DCTN6: variants seen among roughly 807,000 people sequenced by gnomAD.
DCTN6 encodes the protein dynactin 6.
Under a neutral mutation model 25.8 loss-of-function variants are expected in DCTN6, and 15 were observed. The observed-to-expected ratio is 0.58, with a 90% CI of 0.39 to 0.89. DCTN6 has a LOEUF of 0.89. Among genes scored for constraint, DCTN6 ranks in the 40% least tolerant of loss-of-function variants. The pLI, the probability that DCTN6 is intolerant of heterozygous loss-of-function variation, is 0.00. For missense variants in DCTN6, 198 were observed against 237.6 expected, an observed-to-expected ratio of 0.83 and a Z score of 1.09; for synonymous variants, 64 against 78.3, an observed-to-expected ratio of 0.82 and a Z score of 0.96.
intron 2 of DCTN6, among the ~76,000 whole-genome samples, chr8:30,164,476 G>A (rs1803639239): frequency 6.6e-6 from 1 of 152,236 alleles, no homozygotes; most frequent in Non-Finnish European, 1.5e-5. Context: ...AGACACGTCA[G>A]TAAGCACAGC....
chr8:30,164,258 C>T (rs1372377542), intron 2 of DCTN6, 83 bp downstream of exon 2: 2 of 1,061,720 alleles, frequency 1.9e-6, no homozygotes, highest in African/African-American at 3.1e-5. Flanking sequence ...TACCGTCTTC[C>T]ATGTTTATTT....
intron 1 of DCTN6, among the ~76,000 whole-genome samples, chr8:30,162,930 C>G (rs1803615779): frequency 6.6e-6 from 1 of 152,182 alleles, no homozygotes; most frequent in South Asian, 2.1e-4. Flanking sequence ...ATATTACATA[C>G]TGTCCATTTT....
intron 6 of DCTN6, among the ~76,000 whole-genome samples, 171 bp from the exon 7 acceptor site, chr8:30,182,904 A>G (rs1474920096): frequency 6.6e-6 from 1 of 152,050 alleles, no homozygotes; most frequent in Non-Finnish European, 1.5e-5. Context: ...TTTAGTGACA[A>G]GATCTCCCTA....
chr8:30,160,986 A>G (rs146294222), intron 1 of DCTN6, among the ~76,000 whole-genome samples: 8 of 152,218 alleles, frequency 5.3e-5, no homozygotes, highest in South Asian at 2.1e-4. Flanking sequence ...AGCTTCTCCT[A>G]TGTGCTACCA....
In DCTN6 at chr8:30,175,199, C is replaced by G; in HGVS notation, c.194+9C>G. ...GCCCTTATCATAAATGCGTAAGACT[C>G]TTATACATACTGTGAACCAAGTACC... On this transcript the variant is annotated intron_variant, in intron 3 of 6. Coordinates refer to ENST00000221114, the MANE Select transcript of DCTN6 (RefSeq NM_006571.4). The G allele has an allele frequency of 6.2e-7, 1 of 1,608,402 alleles. No individual in the cohort carries two copies. The highest frequency in any genetic ancestry group is 1.1e-5 in the South Asian group (1 of 90,748).
intron 1 of DCTN6, among the ~76,000 whole-genome samples, chr8:30,162,677 G>A (rs1175862484): frequency 6.6e-6 from 1 of 152,066 alleles, no homozygotes; most frequent in Non-Finnish European, 1.5e-5. Context: ...TCAAACAAAA[G>A]ATAACAGCAG....
chr8:30,170,962 C>G (rs1803754839), intron 2 of DCTN6, among the ~76,000 whole-genome samples: 1 of 151,886 alleles, frequency 6.6e-6, no homozygotes, highest in Non-Finnish European at 1.5e-5. Context: ...ATGTGTGCTT[C>G]TGGTATCTTC....
chr8:30,162,563 A>G (rs1040604398), intron 1 of DCTN6, among the ~76,000 whole-genome samples: 3 of 152,234 alleles, frequency 2.0e-5, no homozygotes, highest in Non-Finnish European at 4.4e-5. Context: ...TTATTAATGA[A>G]AAGAAGTTTC....
chr8:30,166,525 G>A (rs1443045173), intron 2 of DCTN6, among the ~76,000 whole-genome samples: 2 of 151,916 alleles, frequency 1.3e-5, no homozygotes, highest in Admixed American at 6.6e-5. Flanking sequence ...TACATCTGCA[G>A]GCATAAATAT....
intron 4 of DCTN6, 97 bp from the exon 5 acceptor site, chr8:30,179,311 C>G: frequency 5.1e-6 from 5 of 987,466 alleles, no homozygotes; most frequent in African/African-American, 1.6e-5. Flanking sequence ...CCATCTGACA[C>G]CCCTGTCCTC....
At chr8:30,165,283 T>G (rs1803650169) in intron 2 of DCTN6, among the ~76,000 whole-genome samples, 2 of 152,174 alleles carry the variant, frequency 1.3e-5, no homozygotes, top group African/African-American at 4.8e-5. Flanking sequence ...TAACTGGGGT[T>G]TACCTGGATA....
At chr8:30,166,676 G>A (rs937766835) in intron 2 of DCTN6, among the ~76,000 whole-genome samples, 11 of 152,128 alleles carry the variant, frequency 7.2e-5, no homozygotes, top group African/African-American at 2.7e-4. Flanking sequence ...GCCTAGGACT[G>A]AGTTTTAGGG....
At chr8:30,167,825 A>G (rs1281010690) in intron 2 of DCTN6, among the ~76,000 whole-genome samples, 3 of 151,990 alleles carry the variant, frequency 2.0e-5, no homozygotes, top group African/African-American at 7.3e-5. Context: ...CAGCCTCCCA[A>G]GTAGCCAGAA....
At chr8:30,173,177 T>A (rs1473428301) in intron 2 of DCTN6, among the ~76,000 whole-genome samples, 1 of 152,142 alleles carries the variant, frequency 6.6e-6, no homozygotes, top group Non-Finnish European at 1.5e-5. Flanking sequence ...AGCACCCTGT[T>A]TTAGGCCCCC....
intron 4 of DCTN6, among the ~76,000 whole-genome samples, chr8:30,178,356 G>A (rs937113725): frequency 2.0e-5 from 3 of 151,834 alleles, no homozygotes; most frequent in East Asian, 1.9e-4. Flanking sequence ...CCAGCTACTC[G>A]GGAGGCTGAG....
At chr8:30,181,575 A>G (rs1803911245) in intron 6 of DCTN6, among the ~76,000 whole-genome samples, 1 of 152,136 alleles carries the variant, frequency 6.6e-6, no homozygotes, top group Non-Finnish European at 1.5e-5. Context: ...TGGCACATTC[A>G]ATATATATTT....
intron 2 of DCTN6, among the ~76,000 whole-genome samples, chr8:30,165,480 C>CA (rs900747336): frequency 5.6e-5 from 8 of 142,804 alleles, no homozygotes; most frequent in South Asian, 2.2e-4. Context: ...TTTTTTTTTC[C>CA]AAAAAAAAAT....
At chr8:30,165,039 AAG>A (rs1248179591) in intron 2 of DCTN6, among the ~76,000 whole-genome samples, 2 of 152,236 alleles carry the variant, frequency 1.3e-5, no homozygotes, top group African/African-American at 4.8e-5. Context: ...TACAAGGAAA[AAG>A]AGGAGAAGAG....
chr8:30,180,725 A>G, intron 6 of DCTN6, 95 bp downstream of exon 6: 2 of 1,399,952 alleles, frequency 1.4e-6, no homozygotes, highest in East Asian at 5.1e-5. Context: ...ACTATTTAAG[A>G]ACATAATTAA....
Sources: allele counts gnomAD v4.1 joint callset (sites outside exome capture counted in the v4.1 genomes callset), GRCh38; gene constraint gnomAD v4.1.1; transcripts MANE v1.5; gene names NCBI Gene and HGNC (gene_info 2026-07-23, HGNC 2026-07-21).